FGF12: variants seen among roughly 807,000 people sequenced by gnomAD.
FGF12 encodes fibroblast growth factor 12, also known as fibroblast growth factor 12B.
In FGF12, 14 loss-of-function variants were observed where a neutral mutation model predicts 23.6. The observed-to-expected ratio is 0.59, with a 90% CI of 0.39 to 0.93. The LOEUF (loss-of-function observed/expected upper bound fraction) is 0.93, where lower values mean the gene tolerates loss of function less well. FGF12 is among the 40% of genes least tolerant of loss of function. FGF12 has a pLI of 0.00. For missense variants in FGF12, 175 were observed against 217.8 expected, an observed-to-expected ratio of 0.80 and a Z score of 1.24; for synonymous variants, 62 against 77.3, an observed-to-expected ratio of 0.80 and a Z score of 1.04.
chr3:192,467,311 T>A (rs561143859), intron 2 of FGF12, among the ~76,000 whole-genome samples: 25 of 152,314 alleles, frequency 1.6e-4, no homozygotes, highest in African/African-American at 6.0e-4. Flanking sequence ...GTTTCCTTAT[T>A]AACAAAGGGA....
intron 2 of FGF12, among the ~76,000 whole-genome samples, chr3:192,707,529 C>T (rs569459452): frequency 3.4e-4 from 52 of 152,202 alleles, no homozygotes; most frequent in Admixed American, 2.0e-3. Flanking sequence ...AAATGAATCA[C>T]GAGGTCAGGA....
intron 2 of FGF12, among the ~76,000 whole-genome samples, chr3:192,485,222 T>G (rs995629368): frequency 6.6e-6 from 1 of 152,194 alleles, no homozygotes; most frequent in African/African-American, 2.4e-5. Context: ...AATGACTTTA[T>G]TGACTTTATG....
chr3:192,580,086 C>T (rs1029362651), intron 2 of FGF12, among the ~76,000 whole-genome samples: 1 of 152,198 alleles, frequency 6.6e-6, no homozygotes, highest in Non-Finnish European at 1.5e-5. Flanking sequence ...GTCCTCTTGA[C>T]TTTTAATTCA....
chr3:192,196,179 G>A (rs1039550394), intron 4 of FGF12, among the ~76,000 whole-genome samples: 1 of 152,110 alleles, frequency 6.6e-6, no homozygotes, highest in Non-Finnish European at 1.5e-5. Context: ...TGATTTCAAA[G>A]AGATTGGCAC....
chr3:192,479,371 G>A (rs1195669585), intron 2 of FGF12, among the ~76,000 whole-genome samples: 1 of 152,116 alleles, frequency 6.6e-6, no homozygotes, highest in Non-Finnish European at 1.5e-5. Context: ...ATCTGAGTCA[G>A]GTGTCATTGA....
intron 2 of FGF12, among the ~76,000 whole-genome samples, chr3:192,376,638 A>G (rs1037440311): frequency 3.9e-5 from 6 of 152,242 alleles, no homozygotes; most frequent in African/African-American, 1.4e-4. Flanking sequence ...CTGGGATTAC[A>G]GGCGTGAGCC....
At chr3:192,417,803 A>G (rs139420142) in intron 2 of FGF12, among the ~76,000 whole-genome samples, 20 of 151,994 alleles carry the variant, frequency 1.3e-4, no homozygotes, top group African/African-American at 4.8e-4. Context: ...AACCCACACC[A>G]CTCTAGGGAA....
At chr3:192,637,651 G>A (rs1488436975) in intron 2 of FGF12, among the ~76,000 whole-genome samples, 4 of 152,110 alleles carry the variant, frequency 2.6e-5, no homozygotes, top group Admixed American at 6.6e-5. Flanking sequence ...ATTATAGGAC[G>A]CCAGAACTGG....
chr3:192,421,252 G>C (rs1203700083), intron 2 of FGF12, among the ~76,000 whole-genome samples: 1 of 152,106 alleles, frequency 6.6e-6, no homozygotes, highest in Non-Finnish European at 1.5e-5. Context: ...TCCATAAAAT[G>C]AGAAATTGTT....
At chr3:192,185,986 A>T (rs1716443720) in intron 4 of FGF12, among the ~76,000 whole-genome samples, 1 of 152,204 alleles carries the variant, frequency 6.6e-6, no homozygotes, top group Non-Finnish European at 1.5e-5. Context: ...ATATAAACTG[A>T]AGCATACAAT....
chr3:192,248,809 A>C (rs1396030730), intron 4 of FGF12, among the ~76,000 whole-genome samples: 1 of 152,102 alleles, frequency 6.6e-6, no homozygotes, highest in Non-Finnish European at 1.5e-5. Flanking sequence ...ATAAAATCCT[A>C]AGAGTTAATT....
At chr3:192,606,263 T>C (rs1222954074) in intron 2 of FGF12, among the ~76,000 whole-genome samples, 1 of 152,118 alleles carries the variant, frequency 6.6e-6, no homozygotes, top group Non-Finnish European at 1.5e-5. Flanking sequence ...AGCAAATTAA[T>C]GCATGAACAG....
chr3:192,368,770 G>C (rs1282960931), intron 2 of FGF12, among the ~76,000 whole-genome samples: 2 of 152,018 alleles, frequency 1.3e-5, no homozygotes, highest in African/African-American at 2.4e-5. Context: ...AACAACAAAG[G>C]TAAGTAGTTG....
intron 5 of FGF12, among the ~76,000 whole-genome samples, chr3:192,145,969 T>C (rs1455661477): frequency 3.3e-5 from 5 of 152,210 alleles, no homozygotes; most frequent in African/African-American, 1.2e-4. Context: ...AGTTTTTTAT[T>C]TGTGCAAAAT....
chr3:192,278,725 A>G (rs1461568928), intron 4 of FGF12, among the ~76,000 whole-genome samples: 1 of 152,218 alleles, frequency 6.6e-6, no homozygotes, highest in Non-Finnish European at 1.5e-5. Flanking sequence ...GAAGGTGAGA[A>G]GTCATCACTG....
rs1224109126 is a variant in FGF12 at position 192,589,548 on chromosome 3, T to C, written c.13+137633A>G. ...CATGAGTAGGTCTCATCAAATTCTA[T>C]CAACTTATTTCTAGGCTTAAATCTC... On this transcript the variant is annotated intron_variant, in intron 2 of 5. Transcript: ENST00000445105. Among the ~76,000 whole-genome samples, 9 of 151,904 alleles carry C rather than the reference T, an allele frequency of 5.9e-5. 1 individual carries two copies. The South Asian group carries it at 6.3e-4, about 11-fold the overall frequency.
intron 2 of FGF12, among the ~76,000 whole-genome samples, chr3:192,442,869 G>A (rs1345713822): frequency 5.3e-5 from 8 of 150,234 alleles, no homozygotes; most frequent in Admixed American, 1.3e-4. Context: ...GTGCAGTGGC[G>A]CAGTCTCGGC....
At chr3:192,370,766 G>T (rs1719191592) in intron 2 of FGF12, among the ~76,000 whole-genome samples, 1 of 152,194 alleles carries the variant, frequency 6.6e-6, no homozygotes, top group African/African-American at 2.4e-5. Flanking sequence ...TGGCAATGGG[G>T]ATGGAAAAAG....
At chr3:192,227,515 C>T (rs1209257476) in intron 4 of FGF12, among the ~76,000 whole-genome samples, 1 of 147,530 alleles carries the variant, frequency 6.8e-6, no homozygotes, top group Non-Finnish European at 1.5e-5. Context: ...AATGTTTAAC[C>T]AGGGAAAAAA....
Sources: allele counts gnomAD v4.1 joint callset (sites outside exome capture counted in the v4.1 genomes callset), GRCh38; gene constraint gnomAD v4.1.1; transcripts MANE v1.5; gene names NCBI Gene and HGNC (gene_info 2026-07-23, HGNC 2026-07-21).